The following PPARD variants were observed in gnomAD, a reference collection of about 807,000 sequenced individuals.
PPARD encodes peroxisome proliferator-activated receptor delta.
In PPARD, 6 loss-of-function variants were observed where a neutral mutation model predicts 39.5. The observed-to-expected ratio is 0.15, with a 90% CI of 0.08 to 0.30. The LOEUF (loss-of-function observed/expected upper bound fraction) is 0.30. Among genes scored for constraint, PPARD ranks in the 10% least tolerant of loss-of-function variants. The pLI is 1.00. For synonymous variants in PPARD, 210 were observed against 231.3 expected (o/e 0.91, Z 0.83); for missense variants, 397 against 596.8 (o/e 0.67, Z 3.49).
intron 2 of PPARD, among the ~76,000 whole-genome samples, chr6:35,355,554 A>T (rs1761530861): frequency 2.1e-5 from 2 of 97,502 alleles, no homozygotes; most frequent in South Asian, 2.6e-4. Flanking sequence ...CCTGTCTGTA[A>T]AAAAAAAAAA....
At chr6:35,384,177 C>T (rs1370200772) in intron 2 of PPARD, among the ~76,000 whole-genome samples, 1 of 138,956 alleles carries the variant, frequency 7.2e-6, no homozygotes, top group Non-Finnish European at 1.6e-5. Context: ...GTGAGGAGCC[C>T]CTCTGCCCGG....
intron 2 of PPARD, among the ~76,000 whole-genome samples, chr6:35,398,716 A>G (rs541212242): frequency 6.6e-6 from 1 of 152,344 alleles, no homozygotes; most frequent in African/African-American, 2.4e-5. Flanking sequence ...AAGCCAAATG[A>G]AGAGAAGGCG....
chr6:35,426,152 A>G lies in PPARD; in HGVS notation c.*73A>G. ...AGGGGCCCACCCACATGACTTTTCC[A>G]TTGACCAGCCCTTGAGCACCCGGCC... On this transcript the variant is annotated 3_prime_UTR_variant, in exon 8 of 8. Transcript: ENST00000360694. 3 of 1,555,772 alleles carry G rather than the reference A, an allele frequency of 1.9e-6. No individual in the cohort carries two copies. Among genetic ancestry groups the G allele is most frequent in the Non-Finnish European group, 2.6e-6 (3 of 1,155,602 alleles).
chr6:35,410,252 A>G (rs1382674366), intron 2 of PPARD, among the ~76,000 whole-genome samples: 1 of 152,236 alleles, frequency 6.6e-6, no homozygotes, highest in Non-Finnish European at 1.5e-5. Context: ...GACTCTCCAC[A>G]GTACCTCATG....
Position 35,425,928 on chromosome 6 carries a change from C to A in PPARD, c.1175C>A (p.Ala392Asp), listed in dbSNP as rs147759211. ...CACCTGCAGGCCAACCACCCTGATG[C>A]CCAGTACCTCTTCCCCAAGCTGCTG... is the stretch of plus-strand genomic sequence containing the variant. ...EFHLQANHPDAQYLFPKLLQK... is the reference protein window; with the variant it reads ...EFHLQANHPDDQYLFPKLLQK... Residue 392 changes from alanine (A) to aspartate (D), a missense_variant, in exon 8 of 8, where the codon GCC (alanine) becomes GAC (aspartate). Physicochemically the swap from Ala to Asp is moderately radical, Grantham distance 126. Transcript: ENST00000360694. The surrounding 1 kb of genome is among the most constrained non-coding windows in gnomAD (Gnocchi z 4.5). The A allele has an allele frequency of 7.9e-5, 127 of 1,614,200 alleles. No individual in the cohort carries two copies. The highest frequency in any genetic ancestry group is 5.3e-4 in the Admixed American group (32 of 60,024).
intron 3 of PPARD, among the ~76,000 whole-genome samples, chr6:35,415,063 T>C (rs1157496802): frequency 6.6e-6 from 1 of 152,156 alleles, no homozygotes; most frequent in African/African-American, 2.4e-5. Context: ...TTCAGTGACA[T>C]CCATCCCAAT....
At chr6:35,356,997 G>C (rs1761653398) in intron 2 of PPARD, among the ~76,000 whole-genome samples, 1 of 152,210 alleles carries the variant, frequency 6.6e-6, no homozygotes, top group Non-Finnish European at 1.5e-5. Flanking sequence ...CTGCACAACA[G>C]AGGAGAGTGT....
At chr6:35,352,714 C>T (rs1188396247) in intron 2 of PPARD, among the ~76,000 whole-genome samples, 2 of 152,148 alleles carry the variant, frequency 1.3e-5, no homozygotes, top group Non-Finnish European at 2.9e-5. Flanking sequence ...TCCACGCTGG[C>T]TTAGGCACAT....
At chr6:35,364,660 A>G (rs1040875974) in intron 2 of PPARD, among the ~76,000 whole-genome samples, 1 of 151,250 alleles carries the variant, frequency 6.6e-6, no homozygotes, top group East Asian at 1.9e-4. Context: ...ACTGGTCTCA[A>G]ACTCCTGACC....
At chr6:35,396,362 G>T (rs1376506302) in intron 2 of PPARD, among the ~76,000 whole-genome samples, 6 of 150,810 alleles carry the variant, frequency 4.0e-5, no homozygotes, top group African/African-American at 7.3e-5. Flanking sequence ...CCGCCACCAC[G>T]CCTGGCCAAT....
At chr6:35,410,566 G>A (rs538261364) in intron 2 of PPARD, among the ~76,000 whole-genome samples, 4 of 152,318 alleles carry the variant, frequency 2.6e-5, no homozygotes, top group Non-Finnish European at 5.9e-5. Context: ...TGATTCTTGG[G>A]CCTGAGTGCT....
At chr6:35,364,348 A>T (rs886534564) in intron 2 of PPARD, among the ~76,000 whole-genome samples, 3 of 151,880 alleles carry the variant, frequency 2.0e-5, no homozygotes, top group African/African-American at 7.3e-5. Context: ...TTCATGTACA[A>T]GCTTTTGTGT....
intron 2 of PPARD, among the ~76,000 whole-genome samples, chr6:35,407,597 G>A (rs902946806): frequency 2.6e-5 from 4 of 151,232 alleles, no homozygotes; most frequent in South Asian, 2.1e-4. Context: ...CACCAGCATC[G>A]CACATGTATA....
intron 2 of PPARD, among the ~76,000 whole-genome samples, chr6:35,384,153 A>G (rs1233945920): frequency 1.9e-3 from 173 of 89,608 alleles, no homozygotes; most frequent in Middle Eastern, 0.011. Context: ...CTGCCTGGCC[A>G]CCCCTACTGG....
At chr6:35,349,862 C>T (rs541424161) in intron 2 of PPARD, among the ~76,000 whole-genome samples, 58 of 152,178 alleles carry the variant, frequency 3.8e-4, no homozygotes, top group Admixed American at 7.2e-4. Context: ...CTGCCTCAGC[C>T]TCCCAAGTAG....
chr6:35,413,842 C>T (rs1765582842), intron 3 of PPARD, among the ~76,000 whole-genome samples: 1 of 152,100 alleles, frequency 6.6e-6, no homozygotes, highest in Admixed American at 6.5e-5. Context: ...CACCACCGTG[C>T]CTGGCTAATT....
chr6:35,417,611 G>A (rs549667400), intron 3 of PPARD, among the ~76,000 whole-genome samples: 29 of 151,018 alleles, frequency 1.9e-4, no homozygotes, highest in African/African-American at 4.9e-4. Context: ...TGCAGCCTCC[G>A]CCCCCCTGCC....
chr6:35,347,147 C>A lies in PPARD; in HGVS notation c.-105C>A, dbSNP rs200914687. ...CAACAGATGAAGACAGATGCACCAA[C>A]GAGGTAATCCCATTTTCTTTACTCA... On this transcript the variant is annotated 5_prime_UTR_variant, in exon 2 of 8. Transcript: ENST00000360694. The A allele has an allele frequency of 3.9e-6, 6 of 1,536,106 alleles. No homozygotes were observed. Among genetic ancestry groups the A allele is most frequent in the Non-Finnish European group, 5.2e-6 (6 of 1,146,900 alleles).
chr6:35,427,453 A>G lies in PPARD; in HGVS notation c.*1374A>G, dbSNP rs542196902. 6.6e-6 allele frequency: 1 copy of G among 152,450 alleles called. No individual in the cohort carries two copies. The highest frequency in any genetic ancestry group is 2.1e-4 in the South Asian group (1 of 4,816). 9.4% of individuals were successfully genotyped at this position (152,450 alleles called of 1,614,324 possible). On this transcript the variant is annotated 3_prime_UTR_variant, in exon 8 of 8. Transcript: ENST00000360694. ...TTCCCGGGATAAACTGAGCCTGTTC[A>G]TTCTGATGTCCATTTGTCCCAATAG...
Sources: allele counts gnomAD v4.1 joint callset (sites outside exome capture counted in the v4.1 genomes callset), GRCh38; gene constraint gnomAD v4.1.1; non-coding constraint Gnocchi (gnomAD v3.1); transcripts MANE v1.5; gene names NCBI Gene and HGNC (gene_info 2026-07-23, HGNC 2026-07-21).